The following DYNC1I2 variants were observed in gnomAD, a reference collection of about 807,000 sequenced individuals.
The protein encoded by DYNC1I2 is dynein cytoplasmic 1 intermediate chain 2.
In DYNC1I2, 53 loss-of-function variants were observed where a neutral mutation model predicts 88.6. The observed-to-expected ratio is 0.60, with a 90% CI of 0.48 to 0.75. DYNC1I2 has a LOEUF of 0.75. Among genes scored for constraint, DYNC1I2 ranks in the 30% least tolerant of loss-of-function variants. The pLI is 0.00. For missense variants in DYNC1I2, 458 were observed against 766.6 expected (o/e 0.60, Z 4.75); for synonymous variants, 198 against 254.6 (o/e 0.78, Z 2.12).
In DYNC1I2 at chr2:171,748,677, T is replaced by C. The variant is rs1294458744; in HGVS notation, c.*788T>C. On this transcript the variant is annotated 3_prime_UTR_variant, in exon 18 of 18. Coordinates refer to ENST00000397119, the MANE Select transcript of DYNC1I2 (RefSeq NM_001378.3). ...TTATATTCTTTCCATCTAAGACATA[T>C]TTCCTTTAAAGGATAAATAGAAAGC... Among the ~76,000 whole-genome samples, 3 of 152,208 alleles carry C rather than the reference T, an allele frequency of 2.0e-5. No homozygotes were observed. The highest frequency in any genetic ancestry group is 4.8e-5 in the African/African-American group (2 of 41,466).
At chr2:171,737,321 A>G (rs1437230225) in intron 15 of DYNC1I2, among the ~76,000 whole-genome samples, 1 of 152,216 alleles carries the variant, frequency 6.6e-6, no homozygotes, top group East Asian at 1.9e-4. Context: ...TTACATCTGC[A>G]AAGGCCCTGT....
intron 15 of DYNC1I2, among the ~76,000 whole-genome samples, chr2:171,733,459 C>CTTTTTTTTTTTTTTT (rs61079902): frequency 1.6e-4 from 9 of 55,804 alleles, no homozygotes; most frequent in Admixed American, 3.0e-4. Context: ...TTGCCAGCAT[C>CTTTTTTTTTTTTTTT]TTTTTTTTTT....
chr2:171,728,824 T>C lies in DYNC1I2; in HGVS notation c.1365T>C (p.Ser455=). The C allele has an allele frequency of 6.2e-7, 1 of 1,611,186 alleles. No individual in the cohort carries two copies. Among genetic ancestry groups the C allele is most frequent in the Admixed American group, 1.7e-5 (1 of 59,460 alleles). ...NNFVVGSEEG[S]VYTACRHGSK... is the part of the protein sequence containing the mutation. ...TTGTTGTTGGGAGTGAAGAAGGTTC[T>C]GTGTACACAGCATGCCGCCATGGCA... The change falls in exon 14 of 18, where the codon TCT becomes TCC. Residue 455 remains serine (S), a synonymous_variant. Transcript: ENST00000397119.
intron 5 of DYNC1I2, among the ~76,000 whole-genome samples, chr2:171,708,884 G>A (rs958558512): frequency 5.9e-5 from 9 of 151,790 alleles, no homozygotes; most frequent in Admixed American, 3.9e-4. Context: ...ATAGAGACAG[G>A]GTTTTGCCAT....
rs1389245189 is a variant in DYNC1I2, at chr2:171,687,530, T to G, written c.-107T>G. On this transcript the variant is annotated 5_prime_UTR_variant, in exon 1 of 18. The change creates a new upstream start codon in the 5' untranslated region. Coordinates refer to ENST00000397119, the MANE Select transcript of DYNC1I2 (RefSeq NM_001378.3). ...AGTTGGATTCCTGGCCTGAGAATAT[T>G]AGGCGTAGTTTTCCAGTTTTTGGCA... is the stretch of plus-strand genomic sequence containing the variant. 1 of 152,180 alleles carries G rather than the reference T, an allele frequency of 6.6e-6. No individual in the cohort carries two copies. Among genetic ancestry groups the G allele is most frequent in the Non-Finnish European group, 1.5e-5 (1 of 68,038 alleles). 9.4% of individuals were successfully genotyped at this position (152,180 alleles called of 1,614,324 possible).
Position 171,729,871 on chromosome 2 carries a change from G to C in DYNC1I2, c.1536+18G>C, listed in dbSNP as rs536842712. ...CAACTAAGGTATCTAAAATATAGAT[G>C]TCTGCTATTTGCTCAGGTTTCTGAC... On this transcript the variant is annotated intron_variant, in intron 15 of 17. Transcript: ENST00000397119. 1.2e-5 allele frequency: 19 copies of C among 1,612,942 alleles called. No individual in the cohort carries two copies. The highest frequency in any genetic ancestry group is 1.5e-5 in the Non-Finnish European group (18 of 1,179,276).
chr2:171,723,280 A>T (rs1445770600), intron 7 of DYNC1I2, among the ~76,000 whole-genome samples: 1 of 152,184 alleles, frequency 6.6e-6, no homozygotes, highest in Non-Finnish European at 1.5e-5. Flanking sequence ...AGTGCTCAAG[A>T]ATGACCTGTC....
chr2:171,731,519 G>A (rs757368573), intron 15 of DYNC1I2, among the ~76,000 whole-genome samples: 7 of 152,194 alleles, frequency 4.6e-5, no homozygotes, highest in Non-Finnish European at 8.8e-5. Flanking sequence ...TTAGGAGGCC[G>A]AGGCAGAAGG....
At chr2:171,712,689 C>T in intron 5 of DYNC1I2, 78 bp from the exon 6 acceptor site, 1 of 975,536 alleles carries the variant, frequency 1.0e-6, no homozygotes. Context: ...TTAGCTTTAG[C>T]TATTCATAGA....
chr2:171,690,070 G>T, intron 1 of DYNC1I2, 77 bp from the exon 2 acceptor site: 1 of 895,252 alleles, frequency 1.1e-6, no homozygotes. Context: ...ATGGCCTTTC[G>T]GGACAGTTCT....
At chr2:171,742,883 T>C (rs2105779456) in intron 15 of DYNC1I2, among the ~76,000 whole-genome samples, 1 of 152,318 alleles carries the variant, frequency 6.6e-6, no homozygotes, top group East Asian at 1.9e-4. Flanking sequence ...GAAAGGAACT[T>C]TGATTTGTTA....
At chr2:171,731,617 G>A (rs1231321889) in intron 15 of DYNC1I2, among the ~76,000 whole-genome samples, 2 of 152,044 alleles carry the variant, frequency 1.3e-5, no homozygotes, top group Non-Finnish European at 2.9e-5. Flanking sequence ...GCCATGCATG[G>A]TGGTGCGCAC....
intron 15 of DYNC1I2, among the ~76,000 whole-genome samples, chr2:171,742,274 ACCAT>A (rs1490435377): frequency 6.6e-6 from 1 of 151,912 alleles, no homozygotes; most frequent in African/African-American, 2.4e-5. Flanking sequence ...CTGGGCTCAA[ACCAT>A]CCACCCATCT....
At position 171,744,096 on chromosome 2, in the gene DYNC1I2, T is replaced by C. The variant is rs572001553; in HGVS notation, c.1584T>C (p.Tyr528=). 1 of 1,613,048 alleles carries C rather than the reference T, an allele frequency of 6.2e-7. No homozygotes were observed. Among genetic ancestry groups the C allele is most frequent in the Admixed American group, 1.7e-5 (1 of 59,906 alleles). Residue 528 remains tyrosine (Y), a synonymous_variant, in exon 16 of 18, where the codon TAT becomes TAC. Transcript: ENST00000397119. ...TTGAAGATAATGCAGACTATGTTTA[T>C]GATGTTATGTGGTCACCTACCCACC... ...YSFEDNADYV[Y]DVMWSPTHPA...
At chr2:171,704,386 T>G (rs901981762) in intron 3 of DYNC1I2, among the ~76,000 whole-genome samples, 3 of 150,840 alleles carry the variant, frequency 2.0e-5, no homozygotes, top group Non-Finnish European at 4.4e-5. Flanking sequence ...AAGAAGAGAA[T>G]AGGTATCTGT....
intron 7 of DYNC1I2, among the ~76,000 whole-genome samples, chr2:171,719,298 A>T (rs758407131): frequency 2.0e-5 from 3 of 152,208 alleles, no homozygotes; most frequent in Non-Finnish European, 2.9e-5. Context: ...CTATATCATT[A>T]CAGTTATTTT....
intron 3 of DYNC1I2, among the ~76,000 whole-genome samples, chr2:171,693,799 G>C (rs932449823): frequency 2.0e-5 from 3 of 152,162 alleles, no homozygotes; most frequent in Admixed American, 2.0e-4. Flanking sequence ...AGAATTTGAA[G>C]ACTGAAGTAT....
intron 7 of DYNC1I2, among the ~76,000 whole-genome samples, chr2:171,719,566 A>G (rs1443621305): frequency 1.3e-5 from 2 of 152,222 alleles, no homozygotes; most frequent in African/African-American, 4.8e-5. Flanking sequence ...AACAGACAGC[A>G]AATTAAACTT....
rs1029680314 is a variant in DYNC1I2, at chr2:171,687,550, T to G, written c.-87T>G. The G allele has an allele frequency of 6.6e-6, 1 of 152,216 alleles. No individual in the cohort carries two copies. The highest frequency in any genetic ancestry group is 1.5e-5 in the Non-Finnish European group (1 of 68,054). 9.4% of individuals were successfully genotyped at this position (152,216 alleles called of 1,614,324 possible). A position where few individuals can be genotyped will look rare whatever the true frequency, so the allele number is the denominator to read the frequency against. ...AATATTAGGCGTAGTTTTCCAGTTTTTGGCAAAGCGGAAATACTTAAGGCC... is the reference window on the plus strand; with the variant it reads ...AATATTAGGCGTAGTTTTCCAGTTTGTGGCAAAGCGGAAATACTTAAGGCC... On this transcript the variant is annotated 5_prime_UTR_variant, in exon 1 of 18. Transcript: ENST00000397119.
Sources: gnomAD v4.1 joint callset for allele counts (sites outside exome capture counted in the v4.1 genomes callset) on GRCh38, gnomAD v4.1.1 for gene constraint, MANE v1.5 for transcripts, NCBI Gene and HGNC (gene_info 2026-07-23, HGNC 2026-07-21) for gene names.